Variants in SUPT3H observed in about 807,000 individuals in gnomAD.
The protein encoded by SUPT3H is transcription initiation protein SPT3 homolog.
SUPT3H carries 44 observed loss-of-function variants against 44.3 expected under a neutral mutation model. The ratio of observed to expected loss-of-function variants is 0.99; its 90% CI spans 0.78 to 1.28. SUPT3H has a LOEUF of 1.28. Ranked by LOEUF, SUPT3H falls within the 50% of genes most tolerant of loss-of-function variation. SUPT3H has a pLI of 0.00. For missense variants in SUPT3H, 380 were observed against 387.1 expected (o/e 0.98, Z 0.15); for synonymous variants, 124 against 125.6 (o/e 0.99, Z 0.09).
At chr6:45,160,514 C>T (rs1347892504) in intron 2 of SUPT3H, among the ~76,000 whole-genome samples, 1 of 151,908 alleles carries the variant, frequency 6.6e-6, no homozygotes, top group Non-Finnish European at 1.5e-5. Flanking sequence ...ATAGCAAAAC[C>T]TGAAACTAAA....
chr6:44,892,423 C>G (rs559713189), intron 10 of SUPT3H, among the ~76,000 whole-genome samples: 1 of 152,234 alleles, frequency 6.6e-6, no homozygotes, highest in Admixed American at 6.5e-5. Context: ...AACTGAGTCA[C>G]CCAGCAGCTT....
chr6:45,045,912 G>T (rs1459363515), intron 3 of SUPT3H, among the ~76,000 whole-genome samples: 1 of 152,048 alleles, frequency 6.6e-6, no homozygotes, highest in Non-Finnish European at 1.5e-5. Context: ...GTTTTTTAAT[G>T]TTGGTGAAGT....
At chr6:44,885,673 G>A (rs1242917367) in intron 10 of SUPT3H, among the ~76,000 whole-genome samples, 1 of 152,122 alleles carries the variant, frequency 6.6e-6, no homozygotes, top group Non-Finnish European at 1.5e-5. Flanking sequence ...GGAAAAAACA[G>A]AGCAGAAAAA....
At chr6:44,990,080 G>A (rs555677504) in intron 6 of SUPT3H, among the ~76,000 whole-genome samples, 6 of 152,200 alleles carry the variant, frequency 3.9e-5, no homozygotes, top group African/African-American at 1.4e-4. Context: ...CAAGGCCAAC[G>A]TCAAGGAGCT....
chr6:45,128,651 CAGTCT>C (rs1479226667), intron 2 of SUPT3H, among the ~76,000 whole-genome samples: 3 of 143,768 alleles, frequency 2.1e-5, no homozygotes, highest in Non-Finnish European at 4.5e-5. Flanking sequence ...CACAAGAGTC[CAGTCT>C]ATAGAATGAA....
At chr6:44,838,924 G>A (rs955104155) in intron 10 of SUPT3H, among the ~76,000 whole-genome samples, 1 of 152,142 alleles carries the variant, frequency 6.6e-6, no homozygotes, top group Admixed American at 6.5e-5. Flanking sequence ...CTAAAACAGA[G>A]TTGTGTTAAA....
intron 2 of SUPT3H, among the ~76,000 whole-genome samples, chr6:45,181,909 T>A (rs979403209): frequency 2.0e-5 from 3 of 151,136 alleles, no homozygotes; most frequent in Non-Finnish European, 2.9e-5. Flanking sequence ...ATAATAAAAC[T>A]ATACCTTGTC....
intron 3 of SUPT3H, among the ~76,000 whole-genome samples, chr6:45,055,302 C>T (rs6928062): frequency 0.057 from 8,671 of 152,112 alleles, 832 homozygotes; most frequent in African/African-American, 0.2. Context: ...TCATTCTTCA[C>T]AGAACTAGAA....
intron 2 of SUPT3H, among the ~76,000 whole-genome samples, chr6:45,325,518 G>GT (rs749740100): frequency 4.6e-4 from 70 of 151,896 alleles, no homozygotes; most frequent in Non-Finnish European, 9.6e-4. Context: ...GATCAAAACT[G>GT]TATTTCATTT....
chr6:45,150,722 T>TG (rs1310103871), intron 2 of SUPT3H, among the ~76,000 whole-genome samples: 2 of 86,318 alleles, frequency 2.3e-5, no homozygotes, highest in African/African-American at 6.9e-5. Flanking sequence ...TATTCTGCGT[T>TG]TTTTTTTTTT....
chr6:45,070,739 CA>C (rs11393241), intron 3 of SUPT3H, among the ~76,000 whole-genome samples: 1,112 of 102,814 alleles, frequency 0.011, 6 homozygotes, highest in South Asian at 0.035. Context: ...CTGTCTCAAA[CA>C]AAAAAAAAAA....
intron 2 of SUPT3H, among the ~76,000 whole-genome samples, chr6:45,264,943 G>A (rs544985903): frequency 3.9e-5 from 6 of 152,162 alleles, no homozygotes; most frequent in African/African-American, 1.2e-4. Flanking sequence ...ATGTAAAAAG[G>A]ATAAACATCT....
chr6:45,246,657 C>T (rs1771394359), intron 2 of SUPT3H, among the ~76,000 whole-genome samples: 1 of 152,052 alleles, frequency 6.6e-6, no homozygotes, highest in Non-Finnish European at 1.5e-5. Context: ...CCATAAATAA[C>T]CTAGAAATCA....
intron 2 of SUPT3H, among the ~76,000 whole-genome samples, chr6:45,336,800 T>C (rs1164485451): frequency 6.6e-6 from 1 of 151,482 alleles, no homozygotes; most frequent in African/African-American, 2.4e-5. Context: ...ATAATACATG[T>C]AACTCAAATT....
intron 2 of SUPT3H, among the ~76,000 whole-genome samples, chr6:45,277,195 AG>A (rs1777160267): frequency 6.6e-6 from 1 of 152,214 alleles, no homozygotes; most frequent in Non-Finnish European, 1.5e-5. Context: ...TTATTAGTTA[AG>A]ATAAATTCTA....
chr6:45,334,344 T>C (rs569818212), intron 2 of SUPT3H, among the ~76,000 whole-genome samples: 1 of 149,240 alleles, frequency 6.7e-6, no homozygotes, highest in African/African-American at 2.4e-5. Flanking sequence ...AGAACTTAAA[T>C]ACACATTTGT....
chr6:45,102,567 G>C (rs1393979711), intron 3 of SUPT3H, among the ~76,000 whole-genome samples: 1 of 152,110 alleles, frequency 6.6e-6, no homozygotes, highest in Non-Finnish European at 1.5e-5. Flanking sequence ...CACCTAGTAA[G>C]TAAAAAGCAG....
intron 2 of SUPT3H, among the ~76,000 whole-genome samples, chr6:45,109,167 T>C (rs1799700313): frequency 6.6e-6 from 1 of 152,234 alleles, no homozygotes; most frequent in East Asian, 1.9e-4. Flanking sequence ...ATTAAGATAG[T>C]ATGTTATTTG....
At chr6:44,959,624 T>A (rs1198000388) in intron 7 of SUPT3H, among the ~76,000 whole-genome samples, 2 of 152,140 alleles carry the variant, frequency 1.3e-5, no homozygotes, top group Non-Finnish European at 1.5e-5. Flanking sequence ...AATATTAATA[T>A]CAGATTTTAA....
Sources: allele counts gnomAD v4.1 joint callset (sites outside exome capture counted in the v4.1 genomes callset), GRCh38; gene constraint gnomAD v4.1.1; transcripts MANE v1.5; gene names NCBI Gene and HGNC (gene_info 2026-07-23, HGNC 2026-07-21).